The following URGCP variants were observed in gnomAD, a reference collection of about 807,000 sequenced individuals.
URGCP encodes upregulator of cell proliferation, also known as up-regulator of cell proliferation.
A neutral mutation model predicts 24.6 loss-of-function variants in URGCP; 13 were observed. The ratio of observed to expected loss-of-function variants is 0.53; its 90% CI spans 0.34 to 0.84. URGCP has a LOEUF of 0.84. Ranked by LOEUF, URGCP falls within the 40% of genes least tolerant of loss-of-function variation. URGCP has a pLI of 0.01. For synonymous variants in URGCP, 444 were observed against 487.2 expected (o/e 0.91, Z 1.17); for missense variants, 899 against 1,194.3 (o/e 0.75, Z 3.64).
In URGCP at chr7:43,898,129, C is replaced by T. The variant is rs561938652; in HGVS notation, c.14+8433G>A. Reference sequence around the variant, plus strand: ...TCGGCAACTTCCCTAAAGATACATGCTCTACAACCTCCACCTGACACCACA... The same window carrying T: ...TCGGCAACTTCCCTAAAGATACATGTTCTACAACCTCCACCTGACACCACA... On this transcript the variant is annotated intron_variant, in intron 1 of 5. Coordinates refer to ENST00000453200, the MANE Select transcript of URGCP (RefSeq NM_001077663.3). Among the ~76,000 whole-genome samples, 39 of 152,272 alleles carry T rather than the reference C, an allele frequency of 2.6e-4. No homozygotes were observed. In the South Asian group the frequency reaches 6.6e-3, roughly 26 times the overall value.
intron 3 of URGCP, among the ~76,000 whole-genome samples, chr7:43,886,323 T>A (rs1406610799): frequency 6.6e-6 from 1 of 152,216 alleles, no homozygotes; most frequent in Admixed American, 6.5e-5. Flanking sequence ...CTTATTTGCA[T>A]ATTTTTGTGG....
At chr7:43,896,380 G>T (rs1351859043) in intron 1 of URGCP, among the ~76,000 whole-genome samples, 1 of 151,552 alleles carries the variant, frequency 6.6e-6, no homozygotes, top group African/African-American at 2.4e-5. Flanking sequence ...TGCTTGACTC[G>T]GGAGGCGGAG....
intron 1 of URGCP, among the ~76,000 whole-genome samples, chr7:43,893,703 T>C (rs1457104522): frequency 6.6e-6 from 1 of 152,184 alleles, no homozygotes; most frequent in Non-Finnish European, 1.5e-5. Flanking sequence ...AAACCCCATC[T>C]CTACTAAAAA....
Position 43,878,560 on chromosome 7 carries a change from G to T in URGCP, c.903C>A (p.Gly301=), listed in dbSNP as rs1328142504. The change falls in exon 6 of 6, where the codon GGC becomes GGA. Residue 301 remains glycine, a synonymous_variant. Transcript: ENST00000453200. This position sits in a 1 kb window ranked among gnomAD's most constrained non-coding sequence, Gnocchi z 5.6. ...DCFWHRDLNL[G]TNAREISDGL... is the part of the protein sequence containing the mutation. Reference sequence around the variant, plus strand: ...CATCCGAAATCTCCCGGGCATTGGTGCCCAAGTTGAGGTCCCGATGCCAGA... The same window carrying T: ...CATCCGAAATCTCCCGGGCATTGGTTCCCAAGTTGAGGTCCCGATGCCAGA... 3 of 1,614,082 alleles carry T rather than the reference G, an allele frequency of 1.9e-6. No homozygotes were observed. Among genetic ancestry groups the T allele is most frequent in the Non-Finnish European group, 2.5e-6 (3 of 1,180,044 alleles).
intron 1 of URGCP, among the ~76,000 whole-genome samples, chr7:43,900,237 T>C (rs1287683898): frequency 1.3e-5 from 2 of 151,562 alleles, no homozygotes; most frequent in African/African-American, 2.4e-5. Context: ...GGCGGATCGC[T>C]TAAGGTCAGC....
chr7:43,925,102 T>G (rs1327832280), intron 1 of URGCP, among the ~76,000 whole-genome samples: 1 of 152,200 alleles, frequency 6.6e-6, no homozygotes, highest in African/African-American at 2.4e-5. Flanking sequence ...GTGAATGTGA[T>G]GCTGTAGGCC....
At chr7:43,902,285 G>A (rs552353344) in intron 1 of URGCP, among the ~76,000 whole-genome samples, 1 of 152,208 alleles carries the variant, frequency 6.6e-6, no homozygotes, top group Non-Finnish European at 1.5e-5. Flanking sequence ...TCCAGTGATG[G>A]CTTCTCCTCT....
In URGCP at chr7:43,919,297, G is replaced by A. The variant is rs2095919282; in HGVS notation, c.-116+6835C>T. 1.5e-5 allele frequency: 12 copies of A among 824,110 alleles called. No individual in the cohort carries two copies. The South Asian group carries it at 1.6e-4, about 11-fold the overall frequency. 51.0% of individuals were successfully genotyped at this position (824,110 alleles called of 1,614,324 possible). A position where few individuals can be genotyped will look rare whatever the true frequency, so the allele number is the denominator to read the frequency against. The stretch of plus-strand genomic sequence containing the variant: ...AAGAGGCTGATGCAGAACGCAGACT[G>A]TGTGGTGGTGCTGCACAACACAGCC... On this transcript the variant is annotated intron_variant, in intron 1 of 5. Coordinates refer to the URGCP transcript ENST00000426198.
chr7:43,890,599 C>T (rs1010526814), intron 1 of URGCP, among the ~76,000 whole-genome samples: 2 of 152,120 alleles, frequency 1.3e-5, no homozygotes, highest in African/African-American at 4.8e-5. Flanking sequence ...GTCCTTAAGC[C>T]CCCAGGGTGT....
At chr7:43,919,021 C>T in intron 1 of URGCP, 1 of 1,151,232 alleles carries the variant, frequency 8.7e-7, no homozygotes, top group Non-Finnish European at 1.3e-6. Flanking sequence ...AGCAGATTCT[C>T]CCAGAGGGAG....
intron 1 of URGCP, among the ~76,000 whole-genome samples, chr7:43,912,572 A>G (rs2095911148): frequency 6.7e-6 from 1 of 148,600 alleles, no homozygotes; most frequent in Admixed American, 6.8e-5. Context: ...CAGATTCCAT[A>G]TGAACTTTAG....
intron 3 of URGCP, among the ~76,000 whole-genome samples, chr7:43,883,231 G>C (rs564127618): frequency 6.6e-6 from 1 of 150,850 alleles, no homozygotes; most frequent in African/African-American, 2.4e-5. Flanking sequence ...GCTTAGGAAG[G>C]AGGGAGCAAG....
Position 43,876,273 on chromosome 7 carries a change from C to A in URGCP, c.*394G>T, listed in dbSNP as rs996631283. The A allele has an allele frequency of 3.7e-5, 7 of 191,586 alleles. No homozygotes were observed. Among genetic ancestry groups the A allele is most frequent in the African/African-American group, 1.4e-4 (6 of 42,372 alleles). The allele number at this position is 191,586 out of a possible 1,614,324, so 11.9% of individuals were successfully genotyped here. A position where few individuals can be genotyped will look rare whatever the true frequency, so the allele number is the denominator to read the frequency against. On this transcript the variant is annotated 3_prime_UTR_variant, in exon 6 of 6. Transcript: ENST00000453200. ...AAGGCCTACTTCTGCTTCCTCAGGA[C>A]AACTTCCCCACCTCTGTCCTGGGAC...
chr7:43,918,253 A>G (rs1020335665), intron 1 of URGCP, among the ~76,000 whole-genome samples: 1 of 149,570 alleles, frequency 6.7e-6, no homozygotes, highest in Non-Finnish European at 1.5e-5. Flanking sequence ...CAGCCTGGGC[A>G]ATAGACCTCA....
At chr7:43,900,361 A>G (rs1430811395) in intron 1 of URGCP, among the ~76,000 whole-genome samples, 1 of 151,030 alleles carries the variant, frequency 6.6e-6, no homozygotes, top group Non-Finnish European at 1.5e-5. Flanking sequence ...AGGCTGAGGC[A>G]GGAGAATCGC....
Position 43,876,529 on chromosome 7 carries a change from C to CT in URGCP, c.*137_*138insA. 1 of 928,586 alleles carries CT rather than the reference C, an allele frequency of 1.1e-6. No individual in the cohort carries two copies. The highest frequency in any genetic ancestry group is 3.4e-4 in the Middle Eastern group (1 of 2,972). The allele number at this position is 928,586 out of a possible 1,614,324, so 57.5% of individuals were successfully genotyped here. ...TAACACTGTTGAGGAGACTCCAAACCCTGTCTTTTCCTCGTCTTCTCATGT... is the reference window on the plus strand; with the variant it reads ...TAACACTGTTGAGGAGACTCCAAACCTCTGTCTTTTCCTCGTCTTCTCATGT... On this transcript the variant is annotated 3_prime_UTR_variant, in exon 6 of 6. Coordinates refer to ENST00000453200, the MANE Select transcript of URGCP (RefSeq NM_001077663.3).
Position 43,895,204 on chromosome 7 carries a change from T to C in URGCP, c.15-7388A>G, listed in dbSNP as rs79760446. On this transcript the variant is annotated intron_variant, in intron 1 of 5. Coordinates refer to ENST00000453200, the MANE Select transcript of URGCP (RefSeq NM_001077663.3). Reference sequence around the variant, plus strand: ...AGAGTATACAAGGAACTCAACTCAATAGCAAAAAAAAAATAATAATTTGAC... The same window carrying C: ...AGAGTATACAAGGAACTCAACTCAACAGCAAAAAAAAAATAATAATTTGAC... 2.1e-4 allele frequency among the ~76,000 whole-genome samples: 31 copies of C among 150,654 alleles called. 1 individual carries two copies. The East Asian group carries it at 6.0e-3, about 29-fold the overall frequency.
chr7:43,887,706 A>G (rs1174265812), intron 2 of URGCP, 84 bp downstream of exon 2: 1 of 1,522,594 alleles, frequency 6.6e-7, no homozygotes, highest in Non-Finnish European at 8.8e-7. Context: ...GTTGAGAAAC[A>G]CTGGTCTAGA....
chr7:43,896,333 G>T (rs2095878340), intron 1 of URGCP, among the ~76,000 whole-genome samples: 1 of 151,944 alleles, frequency 6.6e-6, no homozygotes, highest in Admixed American at 6.6e-5. Flanking sequence ...GCACACGCCT[G>T]TAATCCCAGC....
Sources: gnomAD v4.1 joint callset for allele counts (sites outside exome capture counted in the v4.1 genomes callset) on GRCh38, gnomAD v4.1.1 for gene constraint, Gnocchi (gnomAD v3.1) non-coding constraint, MANE v1.5 for transcripts, NCBI Gene and HGNC (gene_info 2026-07-23, HGNC 2026-07-21) for gene names.